The following FOCAD variants were observed in gnomAD, a reference collection of about 807,000 sequenced individuals.
The protein encoded by FOCAD is focadhesin, also known as KIAA1797.
In FOCAD, 198 loss-of-function variants were observed where a neutral mutation model predicts 225.6. The observed-to-expected ratio is 0.88, with a 90% CI of 0.78 to 0.99. FOCAD has a LOEUF of 0.99. Among genes scored for constraint, FOCAD ranks in the 50% least tolerant of loss-of-function variants. The pLI is 0.00. For synonymous variants in FOCAD, 897 were observed against 755.0 expected, an observed-to-expected ratio of 1.19 and a Z score of -3.08; for missense variants, 2,713 against 2,123.6, an observed-to-expected ratio of 1.28 and a Z score of -5.46.
chr9:20,823,047 A>T lies in FOCAD; in HGVS notation c.1852A>T (p.Thr618Ser). ...AAISQVLNEC[T>S]KPDQATPAAL... ...TATTTCTCAAGTGTTGAATGAATGC[A>T]CCAAGCCTGATCAAGCTACTCCAGC... Residue 618 changes from threonine to serine, a missense_variant, in exon 15 of 44, where the codon ACC becomes TCC. Coordinates refer to ENST00000338382, the MANE Select transcript of FOCAD (RefSeq NM_001375567.1). 6.2e-7 allele frequency: 1 copy of T among 1,610,086 alleles called. No homozygotes were observed. The highest frequency in any genetic ancestry group is 8.5e-7 in the Non-Finnish European group (1 of 1,178,282).
intron 15 of FOCAD, 81 bp downstream of exon 15, chr9:20,823,196 A>T: frequency 7.0e-7 from 1 of 1,427,402 alleles, no homozygotes; most frequent in Non-Finnish European, 9.4e-7. Context: ...GTAAGATTAG[A>T]TTCAAATAAC....
intron 27 of FOCAD, among the ~76,000 whole-genome samples, chr9:20,930,203 T>C (rs980897698): frequency 6.6e-6 from 1 of 152,212 alleles, no homozygotes; most frequent in East Asian, 1.9e-4. Context: ...TATTTACCCT[T>C]GAATGGAGCT....
chr9:20,666,100 G>C (rs1424945691), intron 2 of FOCAD, among the ~76,000 whole-genome samples: 1 of 152,076 alleles, frequency 6.6e-6, no homozygotes, highest in Non-Finnish European at 1.5e-5. Flanking sequence ...TAGAGATCTG[G>C]AATCAGGTGT....
At chr9:20,795,784 G>GAAAA (rs1161085446) in intron 11 of FOCAD, among the ~76,000 whole-genome samples, 8 of 42,398 alleles carry the variant, frequency 1.9e-4, no homozygotes, top group South Asian at 2.1e-3. Context: ...ACTCTGTCTC[G>GAAAA]AAAAAAAAAA....
intron 15 of FOCAD, among the ~76,000 whole-genome samples, chr9:20,844,372 T>TTG (rs1826860167): frequency 7.0e-6 from 1 of 142,196 alleles, no homozygotes; most frequent in South Asian, 2.4e-4. Context: ...TTTTTTTTTT[T>TTG]TTTGTTGAGA....
intron 11 of FOCAD, among the ~76,000 whole-genome samples, chr9:20,815,123 G>GTTTTTTTTTTT (rs71334554): frequency 9.4e-5 from 8 of 85,386 alleles, no homozygotes; most frequent in African/African-American, 1.9e-4. Context: ...ACTTCTCTTT[G>GTTTTTTTTTTT]TTTTTTTTTT....
chr9:20,837,451 A>G (rs1162528663), intron 15 of FOCAD, among the ~76,000 whole-genome samples: 1 of 152,070 alleles, frequency 6.6e-6, no homozygotes, highest in Non-Finnish European at 1.5e-5. Context: ...ACTGAGCTGG[A>G]AATAATGACA....
chr9:20,860,642 T>G (rs1414230783), intron 15 of FOCAD, among the ~76,000 whole-genome samples: 1 of 152,106 alleles, frequency 6.6e-6, no homozygotes, highest in Admixed American at 6.5e-5. Context: ...GCGATTTTTG[T>G]GCGTGGCTGG....
At chr9:20,873,219 A>G (rs182777832) in intron 18 of FOCAD, among the ~76,000 whole-genome samples, 22 of 152,122 alleles carry the variant, frequency 1.4e-4, no homozygotes, top group Middle Eastern at 3.4e-3. Flanking sequence ...TAGTAACTCT[A>G]TTTTTTTGTT....
At chr9:20,995,405 G>T (rs1841986149) in intron 43 of FOCAD, 151 bp from the exon 44 acceptor site, 1 of 431,930 alleles carries the variant, frequency 2.3e-6, no homozygotes, top group Admixed American at 4.0e-5. Flanking sequence ...TTTATAAATG[G>T]TTTTCTGCCA....
chr9:20,978,525 G>C, intron 37 of FOCAD, 71 bp downstream of exon 37: 1 of 1,062,694 alleles, frequency 9.4e-7, no homozygotes, highest in Non-Finnish European at 1.3e-6. Flanking sequence ...CATTCATTTG[G>C]GTGTGTGTTC....
intron 15 of FOCAD, 88 bp from the exon 16 acceptor site, chr9:20,862,490 C>T: frequency 1.4e-6 from 2 of 1,411,768 alleles, no homozygotes; most frequent in Non-Finnish European, 1.9e-6. Context: ...TCTTAAGTTT[C>T]CTTATAATAA....
At chr9:20,803,759 C>T (rs1197909736) in intron 11 of FOCAD, among the ~76,000 whole-genome samples, 1 of 152,080 alleles carries the variant, frequency 6.6e-6, no homozygotes, top group Non-Finnish European at 1.5e-5. Flanking sequence ...GTAGGTTAAT[C>T]CCCTTGGGAC....
intron 4 of FOCAD, among the ~76,000 whole-genome samples, chr9:20,727,879 A>T (rs559544349): frequency 1.2e-4 from 18 of 152,210 alleles, no homozygotes; most frequent in Non-Finnish European, 7.4e-5. Context: ...TTTTAATTCT[A>T]CCCCTGGTCA....
intron 10 of FOCAD, among the ~76,000 whole-genome samples, chr9:20,788,777 A>G (rs549612234): frequency 3.9e-4 from 60 of 152,298 alleles, no homozygotes; most frequent in African/African-American, 1.3e-3. Context: ...TTAGCATAAT[A>G]TAATCTCTGG....
upstream of FOCAD, among the ~76,000 whole-genome samples, chr9:20,682,376 C>T (rs548931737): frequency 1.3e-5 from 2 of 152,266 alleles, no homozygotes; most frequent in South Asian, 2.1e-4. Context: ...CATTGAGCAC[C>T]AGGGTGCTTG....
chr9:20,684,570 G>C (rs1332679072), intron 1 of FOCAD: 1 of 153,092 alleles, frequency 6.5e-6, no homozygotes, highest in Non-Finnish European at 1.5e-5. Context: ...CGAGATACCT[G>C]GGCAGGGCTG....
At chr9:20,743,763 T>C (rs1024168581) in intron 5 of FOCAD, among the ~76,000 whole-genome samples, 1 of 152,216 alleles carries the variant, frequency 6.6e-6, no homozygotes, top group South Asian at 2.1e-4. Context: ...CTCAGTGATA[T>C]GGAAATATGT....
chr9:20,781,956 A>T, intron 10 of FOCAD, 27 bp downstream of exon 10: 1 of 1,598,742 alleles, frequency 6.3e-7, no homozygotes, highest in South Asian at 1.1e-5. Context: ...TGTTTCTCTT[A>T]AATAAAGTGT....
Sources: allele counts gnomAD v4.1 joint callset (sites outside exome capture counted in the v4.1 genomes callset), GRCh38; gene constraint gnomAD v4.1.1; transcripts MANE v1.5; gene names NCBI Gene and HGNC (gene_info 2026-07-23, HGNC 2026-07-21).